Variants in CSMD3 observed in about 807,000 individuals in gnomAD.
The protein encoded by CSMD3 is CUB and Sushi multiple domains 3.
Under a neutral mutation model 435.2 loss-of-function variants are expected in CSMD3, and 177 were observed. The ratio of observed to expected loss-of-function variants is 0.41; its 90% CI spans 0.36 to 0.46. The LOEUF is 0.46. Among genes scored for constraint, CSMD3 ranks in the 20% least tolerant of loss-of-function variants. The probability of loss-of-function intolerance (pLI) is 0.34; values close to 1 mark genes in which losing one functional copy is unlikely to be tolerated. For missense variants in CSMD3, 4,265 were observed against 4,504.6 expected (o/e 0.95, Z 1.52); for synonymous variants, 1,656 against 1,520.5 (o/e 1.09, Z -2.07).
chr8:112,312,301 C>T (rs1163234742), intron 49 of CSMD3, among the ~76,000 whole-genome samples: 2 of 152,086 alleles, frequency 1.3e-5, no homozygotes, highest in African/African-American at 4.8e-5. Context: ...GTTGCCCAGG[C>T]TGGAGTCCAA....
chr8:112,724,211 G>A (rs2076919116), intron 13 of CSMD3, among the ~76,000 whole-genome samples: 1 of 151,792 alleles, frequency 6.6e-6, no homozygotes, highest in South Asian at 2.1e-4. Flanking sequence ...AAGTTGAAGG[G>A]GTTAGCCATG....
chr8:112,609,235 A>G lies in CSMD3; in HGVS notation c.3716-22000T>C, dbSNP rs574029455. 1.5e-4 allele frequency among the ~76,000 whole-genome samples: 22 copies of G among 145,298 alleles called. No individual in the cohort carries two copies. The Middle Eastern group carries it at 0.011, about 70-fold the overall frequency. On this transcript the variant is annotated intron_variant, in intron 22 of 70. Transcript: ENST00000297405. The stretch of plus-strand genomic sequence containing the variant: ...AAAAAAAAAAAAAAAAAAAAAAAGA[A>G]TAGAAGAAAATATTTGCAAAACATA...
intron 10 of CSMD3, among the ~76,000 whole-genome samples, chr8:112,920,655 G>A (rs2082705888): frequency 6.6e-6 from 1 of 151,634 alleles, no homozygotes; most frequent in Admixed American, 6.6e-5. Flanking sequence ...TTTACACTAT[G>A]GGTAGTCAAA....
intron 13 of CSMD3, among the ~76,000 whole-genome samples, chr8:112,747,183 CTTTTTTTTTTTTTTTTTTTTTTTTT>C (rs71309787): frequency 3.7e-5 from 1 of 26,942 alleles, no homozygotes; most frequent in African/African-American, 2.6e-4. Context: ...GCACACTTCC[CTTTTTTTTTTTTTTTTTTTTTTTTT>C]TTTTTTTTTT....
At chr8:112,620,335 A>C (rs1405826167) in intron 22 of CSMD3, among the ~76,000 whole-genome samples, 1 of 152,160 alleles carries the variant, frequency 6.6e-6, no homozygotes, top group Admixed American at 6.6e-5. Flanking sequence ...TACTACAATG[A>C]TGTAGGAGAA....
chr8:112,354,286 C>G (rs573731868), intron 38 of CSMD3, among the ~76,000 whole-genome samples: 61 of 152,084 alleles, frequency 4.0e-4, no homozygotes, highest in African/African-American at 1.3e-3. Flanking sequence ...AGAAGAGGAA[C>G]AAGAAAAGGA....
At chr8:113,106,008 A>T (rs564169020) in intron 4 of CSMD3, among the ~76,000 whole-genome samples, 1 of 152,130 alleles carries the variant, frequency 6.6e-6, no homozygotes, top group Admixed American at 6.6e-5. Flanking sequence ...TTTATAGCAG[A>T]TATAACTATA....
chr8:112,999,213 A>G (rs952500195), intron 6 of CSMD3, among the ~76,000 whole-genome samples: 2 of 151,986 alleles, frequency 1.3e-5, no homozygotes, highest in Non-Finnish European at 2.9e-5. Flanking sequence ...AATGCAAGGG[A>G]TGGAATTTTT....
rs2076427012 is a variant in CSMD3, at chr8:112,703,175, C to A, written c.1973-13125G>T. Among the ~76,000 whole-genome samples the A allele has an allele frequency of 2.0e-5, 3 of 152,234 alleles. No homozygotes were observed. In the South Asian group the frequency reaches 6.2e-4, roughly 32 times the overall value. ...CTAAATATCTGTGCATCATCCACAA[C>A]TAAATTTGGAAGAAACAAAGTGAGG... On this transcript the variant is annotated intron_variant, in intron 13 of 70. Transcript: ENST00000297405.
chr8:112,704,629 G>C (rs1445069708), intron 13 of CSMD3, among the ~76,000 whole-genome samples: 1 of 151,862 alleles, frequency 6.6e-6, no homozygotes, highest in Non-Finnish European at 1.5e-5. Context: ...GCAAGACTCT[G>C]CTTAATAATT....
intron 12 of CSMD3, among the ~76,000 whole-genome samples, chr8:112,822,594 G>C (rs2079557608): frequency 6.6e-6 from 1 of 152,036 alleles, no homozygotes; most frequent in African/African-American, 2.4e-5. Flanking sequence ...CATGTCATCT[G>C]CAGAGACAAT....
intron 4 of CSMD3, among the ~76,000 whole-genome samples, chr8:113,165,103 G>C (rs1353919170): frequency 1.3e-5 from 2 of 152,194 alleles, no homozygotes; most frequent in Middle Eastern, 6.8e-3. Flanking sequence ...ATCATGCATT[G>C]AACAGTCTAT....
chr8:112,308,758 T>C (rs546457402), intron 50 of CSMD3, among the ~76,000 whole-genome samples: 2 of 152,166 alleles, frequency 1.3e-5, no homozygotes, highest in East Asian at 3.9e-4. Flanking sequence ...CAAACCCAAA[T>C]AGATATAGCT....
intron 9 of CSMD3, among the ~76,000 whole-genome samples, chr8:112,939,422 T>C (rs756281392): frequency 4.6e-5 from 7 of 152,074 alleles, no homozygotes; most frequent in Admixed American, 6.6e-5. Flanking sequence ...GAGTCTGAGA[T>C]AATCTAGTCC....
chr8:113,433,149 C>T (rs1374332934), intron 1 of CSMD3, among the ~76,000 whole-genome samples: 1 of 152,088 alleles, frequency 6.6e-6, no homozygotes, highest in African/African-American at 2.4e-5. Context: ...CTCAGTCTTG[C>T]TAGTGTTGGG....
intron 32 of CSMD3, among the ~76,000 whole-genome samples, chr8:112,410,652 G>A (rs11779113): frequency 0.048 from 1,702 of 35,590 alleles, 28 homozygotes; most frequent in East Asian, 0.069. Context: ...ATATATATGT[G>A]TATATATATG....
intron 6 of CSMD3, among the ~76,000 whole-genome samples, chr8:113,002,652 T>C (rs2085906905): frequency 6.6e-6 from 1 of 152,108 alleles, no homozygotes; most frequent in Admixed American, 6.6e-5. Flanking sequence ...AGTTTATCAG[T>C]TTTGTCTCAA....
intron 4 of CSMD3, among the ~76,000 whole-genome samples, chr8:113,134,596 T>G (rs1027198867): frequency 1.3e-5 from 2 of 152,088 alleles, no homozygotes; most frequent in African/African-American, 4.8e-5. Context: ...GCTATGCACA[T>G]ACCTATATTT....
chr8:112,229,352 A>C (rs17553961), intron 69 of CSMD3, among the ~76,000 whole-genome samples: 2 of 152,206 alleles, frequency 1.3e-5, no homozygotes, highest in African/African-American at 4.8e-5. Flanking sequence ...AGGTTAAAAG[A>C]ATAAACTATG....
Sources: allele counts gnomAD v4.1 joint callset (sites outside exome capture counted in the v4.1 genomes callset), GRCh38; gene constraint gnomAD v4.1.1; transcripts MANE v1.5; gene names NCBI Gene and HGNC (gene_info 2026-07-23, HGNC 2026-07-21).